PDE4B: variants seen among roughly 807,000 people sequenced by gnomAD.
PDE4B encodes the protein 3',5'-cyclic-AMP phosphodiesterase 4B.
Under a neutral mutation model 82.2 loss-of-function variants are expected in PDE4B, and 20 were observed. The observed-to-expected ratio is 0.24, with a 90% CI of 0.17 to 0.35. The LOEUF is 0.35. Among genes scored for constraint, PDE4B ranks in the 10% least tolerant of loss-of-function variants. PDE4B has a pLI of 1.00. For synonymous variants in PDE4B, 320 were observed against 318.9 expected (o/e 1.00, Z -0.04); for missense variants, 655 against 907.2 (o/e 0.72, Z 3.57).
At chr1:66,340,323 G>A (rs1172715862) in intron 8 of PDE4B, among the ~76,000 whole-genome samples, 1 of 152,162 alleles carries the variant, frequency 6.6e-6, no homozygotes, top group African/African-American at 2.4e-5. Flanking sequence ...ATTTAGAAAC[G>A]AAGAAGACAG....
chr1:66,201,454 T>A (rs1159167868), intron 3 of PDE4B, among the ~76,000 whole-genome samples: 1 of 152,126 alleles, frequency 6.6e-6, no homozygotes, highest in Non-Finnish European at 1.5e-5. Context: ...TGGTAGAATT[T>A]GGCTGTGAAT....
At chr1:65,978,316 C>T (rs925460450) in intron 3 of PDE4B, among the ~76,000 whole-genome samples, 1 of 152,126 alleles carries the variant, frequency 6.6e-6, no homozygotes, top group African/African-American at 2.4e-5. Flanking sequence ...GTATGAGACA[C>T]TGCTCCTGGG....
At chr1:66,125,643 G>C (rs1212558994) in intron 3 of PDE4B, among the ~76,000 whole-genome samples, 1 of 152,098 alleles carries the variant, frequency 6.6e-6, no homozygotes, top group African/African-American at 2.4e-5. Context: ...CCTTATCTGG[G>C]ATTTCGCTTA....
At chr1:65,923,591 T>C (rs1647330615) in intron 3 of PDE4B, among the ~76,000 whole-genome samples, 1 of 152,224 alleles carries the variant, frequency 6.6e-6, no homozygotes, top group Admixed American at 6.5e-5. Context: ...TTATTTGCCT[T>C]TTTGCCTGAA....
intron 1 of PDE4B, among the ~76,000 whole-genome samples, chr1:65,910,947 T>A (rs1333715762): frequency 6.6e-6 from 1 of 152,176 alleles, no homozygotes; most frequent in African/African-American, 2.4e-5. Context: ...TTTTTTTGTC[T>A]TATATAACAT....
intron 3 of PDE4B, among the ~76,000 whole-genome samples, chr1:66,194,672 T>C (rs536654004): frequency 3.3e-5 from 5 of 152,270 alleles, no homozygotes; most frequent in Non-Finnish European, 7.4e-5. Context: ...AAGTATATTC[T>C]AATTTCTAAG....
chr1:66,268,255 A>G (rs1357298152), intron 7 of PDE4B, among the ~76,000 whole-genome samples: 1 of 152,244 alleles, frequency 6.6e-6, no homozygotes, highest in Non-Finnish European at 1.5e-5. Flanking sequence ...ATGAGAAAAA[A>G]TGCAATTTAT....
At chr1:66,092,594 A>G (rs1645045243) in intron 3 of PDE4B, among the ~76,000 whole-genome samples, 1 of 152,152 alleles carries the variant, frequency 6.6e-6, no homozygotes, top group African/African-American at 2.4e-5. Context: ...TAATACAAAC[A>G]AAAGTACAAA....
chr1:65,837,006 G>A (rs2101323576), intron 1 of PDE4B, among the ~76,000 whole-genome samples: 1 of 151,856 alleles, frequency 6.6e-6, no homozygotes, highest in Non-Finnish European at 1.5e-5. Flanking sequence ...TACTTCCTGA[G>A]TATAATTTGC....
At chr1:65,891,614 A>G (rs1646854071) in intron 1 of PDE4B, among the ~76,000 whole-genome samples, 1 of 152,078 alleles carries the variant, frequency 6.6e-6, no homozygotes, top group Admixed American at 6.6e-5. Context: ...TTTAATAAAA[A>G]TGTTGAATAG....
chr1:65,980,885 TA>T (rs1253959279), intron 3 of PDE4B, among the ~76,000 whole-genome samples: 3 of 152,170 alleles, frequency 2.0e-5, no homozygotes, highest in African/African-American at 7.2e-5. Flanking sequence ...ACAGTATCAT[TA>T]GAATTTGGTC....
At chr1:66,303,690 T>C (rs1294445446) in intron 7 of PDE4B, among the ~76,000 whole-genome samples, 1 of 152,096 alleles carries the variant, frequency 6.6e-6, no homozygotes, top group African/African-American at 2.4e-5. Context: ...GAAGTAAGCC[T>C]TAGAGTTGAG....
At chr1:65,909,595 T>A (rs2100447375) in intron 1 of PDE4B, among the ~76,000 whole-genome samples, 1 of 152,310 alleles carries the variant, frequency 6.6e-6, no homozygotes, top group Non-Finnish European at 1.5e-5. Context: ...ATCTTTTAAG[T>A]GGTGAAATAT....
At chr1:66,099,703 A>G (rs189244267) in intron 3 of PDE4B, among the ~76,000 whole-genome samples, 43 of 152,252 alleles carry the variant, frequency 2.8e-4, no homozygotes, top group Admixed American at 1.3e-4. Flanking sequence ...ATTGATTACA[A>G]GTCCATTTAT....
chr1:65,794,190 T>A (rs1375334507), intron 1 of PDE4B, among the ~76,000 whole-genome samples: 1 of 152,222 alleles, frequency 6.6e-6, no homozygotes, highest in Non-Finnish European at 1.5e-5. Flanking sequence ...ATGGTAACTC[T>A]ATGCATTCTG....
At chr1:65,793,889 A>G (rs1000421477) in intron 1 of PDE4B, among the ~76,000 whole-genome samples, 7 of 152,108 alleles carry the variant, frequency 4.6e-5, no homozygotes, top group Non-Finnish European at 1.0e-4. Flanking sequence ...CTCTTCTTCC[A>G]TCTTCCTGTT....
At chr1:66,166,789 T>G (rs975787040) in intron 3 of PDE4B, among the ~76,000 whole-genome samples, 1 of 150,732 alleles carries the variant, frequency 6.6e-6, no homozygotes, top group African/African-American at 2.4e-5. Flanking sequence ...AAAATATTTG[T>G]TAATCATGTA....
chr1:65,975,430 C>A (rs187093835), intron 3 of PDE4B, among the ~76,000 whole-genome samples: 1 of 152,188 alleles, frequency 6.6e-6, no homozygotes, highest in Non-Finnish European at 1.5e-5. Context: ...TGTAAAAGTT[C>A]AGAAAATTTG....
At chr1:65,797,187 C>T (rs1291027969) in intron 1 of PDE4B, among the ~76,000 whole-genome samples, 6 of 152,078 alleles carry the variant, frequency 3.9e-5, no homozygotes, top group African/African-American at 1.4e-4. Context: ...ATCTTCTGAC[C>T]TCGTGATCCA....
Sources: gnomAD v4.1 joint callset for allele counts (sites outside exome capture counted in the v4.1 genomes callset) on GRCh38, gnomAD v4.1.1 for gene constraint, MANE v1.5 for transcripts, NCBI Gene and HGNC (gene_info 2026-07-23, HGNC 2026-07-21) for gene names.